KATNIP: variants seen among roughly 807,000 people sequenced by gnomAD.
The protein encoded by KATNIP is katanin interacting protein, also known as katanin-interacting protein.
A neutral mutation model predicts 174.0 loss-of-function variants in KATNIP; 126 were observed. The ratio of observed to expected loss-of-function variants is 0.72; its 90% CI spans 0.63 to 0.84. KATNIP has a LOEUF of 0.84. KATNIP is among the 40% of genes least tolerant of loss of function. KATNIP has a pLI of 0.00. For missense variants in KATNIP, 1,958 were observed against 2,109.7 expected (o/e 0.93, Z 1.41); for synonymous variants, 810 against 835.7 (o/e 0.97, Z 0.53).
intron 1 of KATNIP, among the ~76,000 whole-genome samples, chr16:27,557,816 A>T (rs2089692201): frequency 6.6e-6 from 1 of 152,162 alleles, no homozygotes; most frequent in African/African-American, 2.4e-5. Flanking sequence ...TTTGTTTTTT[A>T]AATTTTTGAA....
intron 2 of KATNIP, among the ~76,000 whole-genome samples, chr16:27,602,386 C>T (rs2075556381): frequency 6.6e-6 from 1 of 152,168 alleles, no homozygotes; most frequent in Non-Finnish European, 1.5e-5. Context: ...CCATCTCCTC[C>T]CACTCCCCTG....
chr16:27,622,189 A>C (rs1025465258), intron 3 of KATNIP, among the ~76,000 whole-genome samples: 1 of 152,174 alleles, frequency 6.6e-6, no homozygotes, highest in African/African-American at 2.4e-5. Context: ...CAGAGAGAGC[A>C]GGTGTCCACC....
intron 15 of KATNIP, among the ~76,000 whole-genome samples, chr16:27,748,777 C>G (rs1376921658): frequency 6.6e-6 from 1 of 151,984 alleles, no homozygotes; most frequent in Admixed American, 6.5e-5. Context: ...GAGCGAGACC[C>G]TGTCTCTAAA....
At chr16:27,728,910 G>A (rs956261853) in intron 14 of KATNIP, among the ~76,000 whole-genome samples, 1 of 152,226 alleles carries the variant, frequency 6.6e-6, no homozygotes. Flanking sequence ...GGGCAGGGGA[G>A]GGCTGCTCAC....
chr16:27,750,613 T>TA (rs2081473901), intron 16 of KATNIP, among the ~76,000 whole-genome samples: 1 of 149,294 alleles, frequency 6.7e-6, no homozygotes, highest in African/African-American at 2.5e-5. Context: ...TTTTTTTTTT[T>TA]AGTAGAGACA....
intron 5 of KATNIP, among the ~76,000 whole-genome samples, chr16:27,648,276 G>A (rs2077017611): frequency 6.6e-6 from 1 of 150,600 alleles, no homozygotes; most frequent in African/African-American, 2.4e-5. Context: ...CTGGGCAACA[G>A]AGTGAGATCC....
rs1464433750 is a variant in KATNIP, at chr16:27,648,491, A to G, written c.409-113A>G. 5 of 1,250,376 alleles carry G rather than the reference A, an allele frequency of 4.0e-6. No homozygotes were observed. The Admixed American group carries it at 8.0e-5, about 20-fold the overall frequency. The allele number at this position is 1,250,376 out of a possible 1,614,324, so 77.5% of individuals were successfully genotyped here. ...CTGTTGCATGCAGGCACACCACCCC[A>G]TGGTATCTATGCCCATAGATCCTGG... On this transcript the variant is annotated intron_variant, in intron 5 of 27. Transcript: ENST00000261588.
At chr16:27,675,104 A>G (rs1377280282) in intron 6 of KATNIP, among the ~76,000 whole-genome samples, 1 of 152,222 alleles carries the variant, frequency 6.6e-6, no homozygotes, top group African/African-American at 2.4e-5. Context: ...CTGCTAATAA[A>G]GACATACCTG....
intron 15 of KATNIP, among the ~76,000 whole-genome samples, chr16:27,742,085 G>A (rs947009324): frequency 3.3e-5 from 5 of 150,996 alleles, no homozygotes; most frequent in African/African-American, 1.2e-4. Context: ...TGAGAGCTTT[G>A]TGAACTTTGC....
At chr16:27,668,571 A>G (rs1041931835) in intron 6 of KATNIP, among the ~76,000 whole-genome samples, 7 of 152,170 alleles carry the variant, frequency 4.6e-5, no homozygotes, top group Admixed American at 2.0e-4. Context: ...CAGCGTGAAA[A>G]CGGACTAATA....
intron 14 of KATNIP, among the ~76,000 whole-genome samples, chr16:27,724,944 A>G (rs1275704608): frequency 6.6e-6 from 1 of 152,206 alleles, no homozygotes; most frequent in Non-Finnish European, 1.5e-5. Context: ...TTTATTGGGC[A>G]ATGTGCTGCC....
intron 8 of KATNIP, among the ~76,000 whole-genome samples, chr16:27,690,236 G>A (rs918985035): frequency 3.3e-5 from 5 of 151,954 alleles, no homozygotes; most frequent in African/African-American, 1.2e-4. Flanking sequence ...GATGACTTGA[G>A]CACAGGGAAG....
chr16:27,681,341 C>T, intron 7 of KATNIP, 58 bp from the exon 8 acceptor site: 1 of 1,602,314 alleles, frequency 6.2e-7, no homozygotes, highest in Non-Finnish European at 8.5e-7. Context: ...AATGCCTGAA[C>T]AGAATGCCCA....
intron 6 of KATNIP, among the ~76,000 whole-genome samples, chr16:27,674,606 A>G (rs183355263): frequency 1.3e-5 from 2 of 152,210 alleles, no homozygotes; most frequent in South Asian, 2.1e-4. Flanking sequence ...AAGGACGCCT[A>G]TGATTACACT....
At chr16:27,716,673 A>G (rs1281006162) in intron 13 of KATNIP, among the ~76,000 whole-genome samples, 1 of 152,158 alleles carries the variant, frequency 6.6e-6, no homozygotes, top group Non-Finnish European at 1.5e-5. Context: ...TTCTAAAGAT[A>G]CAGACATTTG....
intron 4 of KATNIP, 89 bp from the exon 5 acceptor site, chr16:27,630,976 G>T (rs577010610): frequency 9.3e-6 from 9 of 972,802 alleles, no homozygotes; most frequent in South Asian, 4.2e-5. Context: ...ACACTGATAC[G>T]CATTTTAGAC....
intron 1 of KATNIP, among the ~76,000 whole-genome samples, chr16:27,558,630 G>C (rs2089726148): frequency 6.6e-6 from 1 of 152,182 alleles, no homozygotes. Flanking sequence ...TGTAAATAAA[G>C]TTTTATTGGA....
chr16:27,701,314 C>T (rs1006503451), intron 10 of KATNIP: 3 of 305,010 alleles, frequency 9.8e-6, no homozygotes, highest in East Asian at 6.2e-5. Context: ...TGAACCATTG[C>T]GTCTGGCCAG....
chr16:27,572,991 C>A, intron 1 of KATNIP, among the ~76,000 whole-genome samples: 1 of 152,240 alleles, frequency 6.6e-6, no homozygotes, highest in Admixed American at 6.5e-5. Context: ...CCCTCACTCA[C>A]GTGCAGACTT....
Sources: allele counts gnomAD v4.1 joint callset (sites outside exome capture counted in the v4.1 genomes callset), GRCh38; gene constraint gnomAD v4.1.1; transcripts MANE v1.5; gene names NCBI Gene and HGNC (gene_info 2026-07-23, HGNC 2026-07-21).